ROR2: variants seen among roughly 807,000 people sequenced by gnomAD.
ROR2 encodes ROR family WNT receptor 2.
In ROR2, 33 loss-of-function variants were observed where a neutral mutation model predicts 74.9. The observed-to-expected ratio is 0.44, with a 90% CI of 0.33 to 0.59. The LOEUF is 0.59. Ranked by LOEUF, ROR2 falls within the 20% of genes least tolerant of loss-of-function variation. The pLI, the probability that ROR2 is intolerant of heterozygous loss-of-function variation, is 0.02. For missense variants in ROR2, 1,216 were observed against 1,313.8 expected (o/e 0.93, Z 1.15); for synonymous variants, 586 against 558.7 (o/e 1.05, Z -0.69).
At position 91,723,293 on chromosome 9, in the gene ROR2, C is replaced by G. The variant is rs555728388; in HGVS notation, c.*369G>C. 4.8e-4 allele frequency: 101 copies of G among 210,794 alleles called. No homozygotes were observed. Among genetic ancestry groups the G allele is most frequent in the Non-Finnish European group, 8.3e-4 (87 of 105,404 alleles). 13.1% of individuals were successfully genotyped at this position (210,794 alleles called of 1,614,324 possible). ...GCCTTTTGCAGGCCCTTATTCCCAA[C>G]GTTTTGAAATATTCACTCCATATAT... On this transcript the variant is annotated 3_prime_UTR_variant, in exon 9 of 9. Coordinates refer to ENST00000375708, the MANE Select transcript of ROR2 (RefSeq NM_004560.4).
intron 1 of ROR2, among the ~76,000 whole-genome samples, chr9:91,908,635 G>A (rs1238382249): frequency 1.3e-5 from 2 of 152,030 alleles, no homozygotes; most frequent in Non-Finnish European, 2.9e-5. Context: ...CAGTCTCAAA[G>A]AAATAAGTTT....
intron 1 of ROR2, among the ~76,000 whole-genome samples, chr9:91,857,196 T>C (rs1829319217): frequency 6.6e-6 from 1 of 152,190 alleles, no homozygotes; most frequent in African/African-American, 2.4e-5. Flanking sequence ...CCTCCTCCCC[T>C]CCCATCCAAC....
intron 1 of ROR2, among the ~76,000 whole-genome samples, chr9:91,901,154 T>C (rs932414760): frequency 1.3e-5 from 2 of 152,182 alleles, no homozygotes; most frequent in African/African-American, 4.8e-5. Flanking sequence ...ACTATATTCT[T>C]CTGAAATGCA....
intron 1 of ROR2, among the ~76,000 whole-genome samples, chr9:91,786,390 T>A (rs1030899105): frequency 4.0e-5 from 6 of 151,592 alleles, no homozygotes; most frequent in African/African-American, 1.5e-4. Context: ...AAATGGGCAA[T>A]ATACTAGAGA....
At position 91,724,696 on chromosome 9, in the gene ROR2, C is replaced by T. The variant is rs778231500; in HGVS notation, c.1798G>A (p.Ala600Thr). 19 of 1,614,112 alleles carry T rather than the reference C, an allele frequency of 1.2e-5. No homozygotes were observed. Among genetic ancestry groups the T allele is most frequent in the East Asian group, 6.7e-5 (3 of 44,886 alleles). Residue 600 changes from alanine to threonine, a missense_variant, in exon 9 of 9, where the codon GCG (alanine) becomes ACG (threonine). By Grantham distance (58) the Ala-to-Thr change is moderately conservative (BLOSUM62 0). Coordinates refer to ENST00000375708, the MANE Select transcript of ROR2 (RefSeq NM_004560.4). Reference sequence around the variant, plus strand: ...CTGGATAGGTACTCCATCCCCGCCGCGATCTGTGCCACAAGGTGCACGAAG... The same window carrying T: ...CTGGATAGGTACTCCATCCCCGCCGTGATCTGTGCCACAAGGTGCACGAAG... ...PDFVHLVAQI[A>T]AGMEYLSSHH...
At chr9:91,819,653 T>TGTGTCTATGTCTTTCA (rs1554679208) in intron 1 of ROR2, among the ~76,000 whole-genome samples, 1 of 150,118 alleles carries the variant, frequency 6.7e-6, no homozygotes, top group East Asian at 2.0e-4. Context: ...CTGTGTTCTC[T>TGTGTCTATGTCTTTCA]GTGTCTGTGT....
chr9:91,742,335 A>G (rs552261649), intron 4 of ROR2, among the ~76,000 whole-genome samples: 1 of 152,294 alleles, frequency 6.6e-6, no homozygotes, highest in African/African-American at 2.4e-5. Context: ...CCCTCCTGCA[A>G]CATGTGGGAA....
intron 1 of ROR2, among the ~76,000 whole-genome samples, chr9:91,924,910 T>G (rs1193565104): frequency 6.6e-6 from 1 of 152,116 alleles, no homozygotes; most frequent in Non-Finnish European, 1.5e-5. Flanking sequence ...AGTGGCACAA[T>G]CATACCTCAC....
chr9:91,937,156 G>A (rs1305597367), intron 1 of ROR2, among the ~76,000 whole-genome samples: 5 of 152,078 alleles, frequency 3.3e-5, no homozygotes, highest in African/African-American at 1.2e-4. Context: ...GCAAACTCGG[G>A]ATTATAGAAT....
At chr9:91,845,947 C>T (rs1828917819) in intron 1 of ROR2, among the ~76,000 whole-genome samples, 1 of 147,064 alleles carries the variant, frequency 6.8e-6, no homozygotes, top group Admixed American at 6.8e-5. Context: ...AATGTCTACA[C>T]GGATGCAACC....
chr9:91,932,486 G>A lies in ROR2; in HGVS notation c.97+17381C>T, dbSNP rs532045891. 7.3e-5 allele frequency among the ~76,000 whole-genome samples: 11 copies of A among 149,956 alleles called. No homozygotes were observed. In the East Asian group the frequency reaches 1.6e-3, roughly 21 times the overall value. ...AGGCTGGCCAACATGGCAAAACTCC[G>A]TCTCTACTAAAAATACAAAAAAAAA... is the stretch of plus-strand genomic sequence containing the variant. On this transcript the variant is annotated intron_variant, in intron 1 of 8. Transcript: ENST00000375708.
At chr9:91,940,566 A>G (rs1300794372) in intron 1 of ROR2, among the ~76,000 whole-genome samples, 2 of 151,152 alleles carry the variant, frequency 1.3e-5, no homozygotes, top group Non-Finnish European at 2.9e-5. Flanking sequence ...CTGTGACACC[A>G]TTTCCAATAA....
At chr9:91,840,393 C>A (rs1396723348) in intron 1 of ROR2, among the ~76,000 whole-genome samples, 1 of 152,176 alleles carries the variant, frequency 6.6e-6, no homozygotes, top group Non-Finnish European at 1.5e-5. Context: ...ACAAACACTT[C>A]CAAAGGCACC....
chr9:91,852,436 G>A (rs1299605145), intron 1 of ROR2, among the ~76,000 whole-genome samples: 2 of 152,216 alleles, frequency 1.3e-5, no homozygotes, highest in East Asian at 3.8e-4. Context: ...CATGACAGCA[G>A]CTATGACTGC....
At chr9:91,796,238 T>C (rs554035686) in intron 1 of ROR2, among the ~76,000 whole-genome samples, 5 of 152,120 alleles carry the variant, frequency 3.3e-5, no homozygotes, top group African/African-American at 9.6e-5. Flanking sequence ...GCTCAGGAGT[T>C]TGAGACCAGC....
rs1308509155 is a variant in ROR2 at position 91,726,738 on chromosome 9, G to A, written c.1189C>T (p.Arg397Ter). The A allele has an allele frequency of 4.3e-6, 7 of 1,613,754 alleles. No individual in the cohort carries two copies. The South Asian group carries it at 4.4e-5, about 10-fold the overall frequency. The change falls in exon 8 of 9, where the codon CGA becomes TGA. Residue 397 changes from arginine (R) to a stop codon, truncating the protein, a stop_gained. Transcript: ENST00000375708. LOFTEE classifies it high-confidence loss of function. ...ELCDVPSCSP[R>*]DSSKMGILYI... ...AGAATCCCCATCTTGCTGCTGTCTCGGGGACCTGTGAACAATAAGGCTTTC... is the reference window on the plus strand; with the variant it reads ...AGAATCCCCATCTTGCTGCTGTCTCAGGGACCTGTGAACAATAAGGCTTTC...
intron 1 of ROR2, among the ~76,000 whole-genome samples, chr9:91,848,658 G>T (rs1253908175): frequency 6.6e-6 from 1 of 151,928 alleles, no homozygotes; most frequent in African/African-American, 2.4e-5. Context: ...GGAGACTGAG[G>T]CAGGGAGAAT....
intron 5 of ROR2, among the ~76,000 whole-genome samples, chr9:91,734,781 G>C (rs1319949761): frequency 6.6e-6 from 1 of 152,244 alleles, no homozygotes; most frequent in Non-Finnish European, 1.5e-5. Flanking sequence ...CCAGGGGTCT[G>C]GTAAAAGGCG....
intron 1 of ROR2, among the ~76,000 whole-genome samples, chr9:91,845,888 A>C (rs1202443824): frequency 7.1e-6 from 1 of 141,002 alleles, no homozygotes; most frequent in Non-Finnish European, 1.5e-5. Flanking sequence ...AAAAAAAAAA[A>C]AAAAAAAAAA....
Sources: allele counts gnomAD v4.1 joint callset (sites outside exome capture counted in the v4.1 genomes callset), GRCh38; gene constraint gnomAD v4.1.1; transcripts MANE v1.5; gene names NCBI Gene and HGNC (gene_info 2026-07-23, HGNC 2026-07-21).